The following MROH2B variants were observed in gnomAD, a reference collection of about 807,000 sequenced individuals.
MROH2B encodes maestro heat like repeat family member 2B, also known as maestro heat-like repeat-containing protein family member 2B.
In MROH2B, 177 loss-of-function variants were observed where a neutral mutation model predicts 208.6. The observed-to-expected ratio is 0.85, with a 90% CI of 0.75 to 0.96. The LOEUF (loss-of-function observed/expected upper bound fraction) is 0.96. Among genes scored for constraint, MROH2B ranks in the 40% least tolerant of loss-of-function variants. The probability of loss-of-function intolerance (pLI) is 0.00; values close to 1 mark genes in which losing one functional copy is unlikely to be tolerated. For missense variants in MROH2B, 2,002 were observed against 1,878.7 expected, an observed-to-expected ratio of 1.07 and a Z score of -1.21; for synonymous variants, 728 against 659.0, an observed-to-expected ratio of 1.10 and a Z score of -1.60.
intron 22 of MROH2B, 41 bp downstream of exon 22, chr5:41,033,797 C>A (rs765325429): frequency 8.8e-7 from 1 of 1,142,292 alleles, no homozygotes; most frequent in South Asian, 1.4e-5. Flanking sequence ...ATCTATCTAT[C>A]TATCTATCTA....
At chr5:41,040,862 T>C (rs925437476) in intron 19 of MROH2B, among the ~76,000 whole-genome samples, 13 of 152,052 alleles carry the variant, frequency 8.5e-5, no homozygotes, top group African/African-American at 3.1e-4. Context: ...AGATGGGGTT[T>C]CACTATGTTA....
At chr5:41,000,927 G>A (rs1392986584) in intron 37 of MROH2B, 94 bp from the exon 38 acceptor site, 17 of 1,353,632 alleles carry the variant, frequency 1.3e-5, no homozygotes, top group South Asian at 1.5e-5. Flanking sequence ...TCCCGCTTCA[G>A]CAAAAGAAGG....
chr5:41,059,195 C>T (rs1334089354), intron 6 of MROH2B, among the ~76,000 whole-genome samples: 3 of 152,054 alleles, frequency 2.0e-5, no homozygotes, highest in Admixed American at 1.3e-4. Flanking sequence ...TACCTCTCAC[C>T]TCCCATTCAC....
intron 19 of MROH2B, 25 bp downstream of exon 19, chr5:41,042,067 G>A: frequency 7.4e-7 from 1 of 1,344,254 alleles, no homozygotes; most frequent in Non-Finnish European, 1.0e-6. Context: ...CATCATAAGA[G>A]GAAATTGAGA....
At position 41,061,581 on chromosome 5, in the gene MROH2B, A is replaced by G; in HGVS notation, c.604T>C (p.Ser202Pro). The G allele has an allele frequency of 6.2e-7, 1 of 1,611,636 alleles. No homozygotes were observed. The highest frequency in any genetic ancestry group is 1.7e-4 in the Middle Eastern group (1 of 6,056). ...YIMEKWAPLA[S>P]PMQTLSIVKA... is the part of the protein sequence containing the mutation. The stretch of plus-strand genomic sequence containing the variant: ...TGAGGCCCACTCACCTGCATGGGTG[A>G]GGCCAAAGGGGCCCACTTCTCCATT... The change falls in exon 6 of 42, where the codon TCA becomes CCA. Residue 202 changes from serine to proline, a missense_variant. Transcript: ENST00000399564.
At chr5:41,063,745 G>A (rs554829891) in intron 5 of MROH2B, among the ~76,000 whole-genome samples, 8 of 152,274 alleles carry the variant, frequency 5.3e-5, no homozygotes, top group African/African-American at 1.9e-4. Context: ...TGAGAGAAGG[G>A]CAGGGTCACC....
chr5:41,000,633 C>T (rs78507493), intron 38 of MROH2B, 45 bp downstream of exon 38: 54,474 of 1,572,144 alleles, frequency 0.035, 1,094 homozygotes, highest in Middle Eastern at 0.064. Flanking sequence ...TACTTCTCAG[C>T]CATGGGGAGA....
At chr5:41,066,165 T>G (rs1743806526) in intron 3 of MROH2B, among the ~76,000 whole-genome samples, 1 of 152,156 alleles carries the variant, frequency 6.6e-6, no homozygotes, top group South Asian at 2.1e-4. Flanking sequence ...AATTGAGAAC[T>G]TTGGTTTTGA....
At chr5:41,044,796 G>T (rs886991241) in intron 18 of MROH2B, among the ~76,000 whole-genome samples, 1 of 152,142 alleles carries the variant, frequency 6.6e-6, no homozygotes, top group Non-Finnish European at 1.5e-5. Flanking sequence ...CTGGAACTGA[G>T]AAACTTAAAT....
At chr5:41,052,187 T>C (rs1018667473) in intron 12 of MROH2B, among the ~76,000 whole-genome samples, 1 of 140,860 alleles carries the variant, frequency 7.1e-6, no homozygotes, top group African/African-American at 2.7e-5. Context: ...CTTGTGTTTA[T>C]TATAAGTTAG....
intron 13 of MROH2B, 42 bp downstream of exon 13, chr5:41,050,935 G>C: frequency 7.8e-7 from 1 of 1,287,746 alleles, no homozygotes; most frequent in Non-Finnish European, 1.1e-6. Flanking sequence ...GCTTTAAGAA[G>C]GTGATCAAAG....
intron 5 of MROH2B, among the ~76,000 whole-genome samples, chr5:41,063,695 C>A (rs1743709448): frequency 6.6e-6 from 1 of 152,140 alleles, no homozygotes; most frequent in South Asian, 2.1e-4. Flanking sequence ...GGGAACGTAG[C>A]AATCACTTAT....
chr5:41,012,215 G>A (rs1284691539), intron 30 of MROH2B, among the ~76,000 whole-genome samples: 1 of 152,154 alleles, frequency 6.6e-6, no homozygotes, highest in Non-Finnish European at 1.5e-5. Context: ...AGTGAAATTA[G>A]AAACTCCTGC....
At chr5:41,000,154 C>T (rs1423182290) in intron 39 of MROH2B, 66 bp downstream of exon 39, 10 of 1,581,512 alleles carry the variant, frequency 6.3e-6, no homozygotes, top group South Asian at 2.3e-5. Flanking sequence ...ACATTGTTTG[C>T]CCTTCTGCGA....
chr5:41,004,682 T>A (rs1342298773), intron 36 of MROH2B, 92 bp downstream of exon 36: 2 of 1,539,420 alleles, frequency 1.3e-6, no homozygotes. Flanking sequence ...GGATTTCCAA[T>A]TAATTTGTAT....
At chr5:41,038,665 C>T (rs1742841781) in intron 21 of MROH2B, 71 bp downstream of exon 21, 1 of 1,460,738 alleles carries the variant, frequency 6.8e-7, no homozygotes. Context: ...AAAAGCTTCC[C>T]AGGGACTGAG....
chr5:41,019,117 C>A, intron 24 of MROH2B, 99 bp from the exon 25 acceptor site: 1 of 1,455,426 alleles, frequency 6.9e-7, no homozygotes. Context: ...GACCAGGCAA[C>A]TAACGTGTCA....
chr5:41,027,781 A>G (rs535534200), intron 24 of MROH2B, among the ~76,000 whole-genome samples: 26 of 152,342 alleles, frequency 1.7e-4, no homozygotes, highest in Non-Finnish European at 1.0e-4. Flanking sequence ...AAGACTTGGA[A>G]CCAACCCAAA....
At position 41,017,880 on chromosome 5, in the gene MROH2B, T is replaced by C; in HGVS notation, c.2854A>G (p.Ser952Gly). The C allele has an allele frequency of 6.9e-6, 11 of 1,594,884 alleles. No individual in the cohort carries two copies. The highest frequency in any genetic ancestry group is 9.4e-6 in the Non-Finnish European group (11 of 1,170,290). The change falls in exon 28 of 42, where the codon AGC (serine) becomes GGC (glycine). Residue 952 changes from serine to glycine, a missense_variant. Coordinates refer to ENST00000399564, the MANE Select transcript of MROH2B (RefSeq NM_173489.5). The part of the protein sequence containing the change: ...TLPTIRQAAA[S>G]STIGLFYIKG... Reference sequence around the variant, plus strand: ...ATATAGAACAGACCAATAGTTGAGCTAGCAGCCGCCTGACGGATGGTGGGC... The same window carrying C: ...ATATAGAACAGACCAATAGTTGAGCCAGCAGCCGCCTGACGGATGGTGGGC...
Sources: gnomAD v4.1 joint callset for allele counts (sites outside exome capture counted in the v4.1 genomes callset) on GRCh38, gnomAD v4.1.1 for gene constraint, MANE v1.5 for transcripts, NCBI Gene and HGNC (gene_info 2026-07-23, HGNC 2026-07-21) for gene names.